RSF1: variants seen among roughly 807,000 people sequenced by gnomAD.
RSF1 encodes HBV pX-associated protein 8.
A neutral mutation model predicts 145.2 loss-of-function variants in RSF1; 13 were observed. The ratio of observed to expected loss-of-function variants is 0.09; its 90% CI spans 0.06 to 0.14. RSF1 has a LOEUF of 0.14. RSF1 is among the 10% of genes least tolerant of loss of function. The probability of loss-of-function intolerance (pLI) is 1.00; values close to 1 mark genes in which losing one functional copy is unlikely to be tolerated. For missense variants in RSF1, 1,517 were observed against 1,718.2 expected (o/e 0.88, Z 2.07); for synonymous variants, 577 against 592.6 (o/e 0.97, Z 0.38).
At chr11:77,807,447 T>C (rs1948688180) in intron 1 of RSF1, among the ~76,000 whole-genome samples, 1 of 152,184 alleles carries the variant, frequency 6.6e-6, no homozygotes, top group African/African-American at 2.4e-5. Context: ...GCAAACATGA[T>C]ACAAATATCT....
chr11:77,700,741 T>G lies in RSF1; in HGVS notation c.2488A>C (p.Thr830Pro). The G allele has an allele frequency of 6.3e-7, 1 of 1,584,712 alleles. No homozygotes were observed. Among genetic ancestry groups the G allele is most frequent in the Non-Finnish European group, 8.5e-7 (1 of 1,173,252 alleles). Residue 830 changes from threonine to proline, a missense_variant, in exon 6 of 16, where the codon ACA becomes CCA. Around this residue, in one of 12 missense-constraint regions of RSF1, gnomAD observed 579 missense variants for 553.5 expected, o/e 1.05. Coordinates refer to ENST00000308488, the MANE Select transcript of RSF1 (RefSeq NM_016578.4). ...KEILKKSEKD[T>P]NSKVSKVKPK... is the part of the protein sequence containing the mutation. Reference sequence around the variant, plus strand: ...TTTACCTTGCTTACTTTAGAATTTGTATCTTTCTCTGATTTTTTCAAAATT... The same window carrying G: ...TTTACCTTGCTTACTTTAGAATTTGGATCTTTCTCTGATTTTTTCAAAATT...
intron 1 of RSF1, among the ~76,000 whole-genome samples, chr11:77,803,194 C>T (rs904342867): frequency 1.3e-5 from 2 of 152,102 alleles, no homozygotes; most frequent in African/African-American, 2.4e-5. Flanking sequence ...GTTCCCCAGG[C>T]TGGAGTGCAG....
chr11:77,727,831 GAAC>G (rs1554990096), intron 4 of RSF1, among the ~76,000 whole-genome samples: 3 of 152,002 alleles, frequency 2.0e-5, no homozygotes, highest in Non-Finnish European at 4.4e-5. Context: ...ATTTATTAAA[GAAC>G]AACTCCCTAA....
rs398045289 is a variant in RSF1 at position 77,729,895 on chromosome 11, CAAAAA to C, written c.579-4201_579-4197del. ...TATAAATGCCAAATTATTCAGTAGG[CAAAAA>C]AAAAAAAAAAAAAAAAAAAAAAATT... On this transcript the variant is annotated intron_variant, in intron 4 of 15. Transcript: ENST00000308488. Among the ~76,000 whole-genome samples the C allele has an allele frequency of 6.2e-3, 302 of 48,918 alleles. 1 individual carries two copies. Among genetic ancestry groups the C allele is most frequent in the East Asian group, 0.015 (20 of 1,326 alleles). The allele number at this position is 48,918 out of a possible 152,430, so 32.1% of individuals were successfully genotyped here. A position where few individuals can be genotyped will look rare whatever the true frequency, so the allele number is the denominator to read the frequency against.
intron 5 of RSF1, among the ~76,000 whole-genome samples, chr11:77,716,234 A>C (rs1464389481): frequency 6.6e-6 from 1 of 152,202 alleles, no homozygotes; most frequent in Admixed American, 6.5e-5. Context: ...AAAATTAAAA[A>C]TATTAAGTAC....
intron 1 of RSF1, among the ~76,000 whole-genome samples, chr11:77,777,466 G>A (rs560599112): frequency 2.9e-4 from 44 of 152,122 alleles, no homozygotes; most frequent in African/African-American, 9.6e-4. Flanking sequence ...GGTGGCGGGC[G>A]CCTGTAGTCT....
chr11:77,834,173 T>C, the RSF1 span, among the ~76,000 whole-genome samples: 9 of 152,260 alleles, frequency 5.9e-5, no homozygotes, highest in Admixed American at 1.3e-4. Flanking sequence ...AAATACTAAT[T>C]CAATGAATAA....
intron 2 of RSF1, among the ~76,000 whole-genome samples, chr11:77,748,874 G>A (rs1053533683): frequency 3.9e-5 from 6 of 152,078 alleles, no homozygotes; most frequent in African/African-American, 1.2e-4. Flanking sequence ...AATGTTCCTC[G>A]CAGTATTATT....
intron 15 of RSF1, among the ~76,000 whole-genome samples, chr11:77,669,436 C>T (rs1959460971): frequency 6.6e-6 from 1 of 152,218 alleles, no homozygotes; most frequent in African/African-American, 2.4e-5. Flanking sequence ...CTCATCTGTG[C>T]TTTGGCCCAA....
At chr11:77,855,149 C>G in the RSF1 span, among the ~76,000 whole-genome samples, 2 of 152,174 alleles carry the variant, frequency 1.3e-5, no homozygotes, top group African/African-American at 4.8e-5. Context: ...TCCCACAAAA[C>G]CATTATTTCC....
intron 14 of RSF1, among the ~76,000 whole-genome samples, chr11:77,673,377 A>T (rs1160987080): frequency 6.6e-6 from 1 of 152,234 alleles, no homozygotes; most frequent in Non-Finnish European, 1.5e-5. Flanking sequence ...CAGAATGTTA[A>T]ATTCCACCGA....
chr11:77,679,490 T>C (rs1201958190), intron 11 of RSF1, among the ~76,000 whole-genome samples: 1 of 152,034 alleles, frequency 6.6e-6, no homozygotes, highest in Non-Finnish European at 1.5e-5. Context: ...TTGGGCAACA[T>C]GGTGAACCCC....
intron 11 of RSF1, among the ~76,000 whole-genome samples, chr11:77,682,098 T>C (rs768743023): frequency 6.6e-6 from 1 of 152,226 alleles, no homozygotes; most frequent in African/African-American, 2.4e-5. Flanking sequence ...GCACTTTCCA[T>C]CTGTCAGCTT....
chr11:77,690,933 A>G, intron 9 of RSF1: 1 of 526,814 alleles, frequency 1.9e-6, no homozygotes, highest in South Asian at 2.8e-5. Flanking sequence ...AGTATCATAT[A>G]ATTTTCATGT....
intron 15 of RSF1, among the ~76,000 whole-genome samples, chr11:77,671,169 A>ATATATATATATT (rs1959534689): frequency 1.0e-5 from 1 of 99,080 alleles, no homozygotes; most frequent in Non-Finnish European, 1.9e-5. Flanking sequence ...ATATATATAT[A>ATATATATATATT]TATATATATT....
chr11:77,766,626 A>G (rs1948228858), intron 1 of RSF1, among the ~76,000 whole-genome samples: 1 of 152,190 alleles, frequency 6.6e-6, no homozygotes, highest in Admixed American at 6.6e-5. Context: ...TGCTTGCACA[A>G]AAACAACAGA....
chr11:77,697,883 T>G (rs996844141), intron 7 of RSF1, among the ~76,000 whole-genome samples: 20 of 152,176 alleles, frequency 1.3e-4, no homozygotes, highest in African/African-American at 3.9e-4. Context: ...TAAAAAAAAT[T>G]TAAAGCCCTA....
intron 1 of RSF1, among the ~76,000 whole-genome samples, chr11:77,813,965 T>C (rs1334138884): frequency 6.7e-6 from 1 of 150,248 alleles, no homozygotes; most frequent in Non-Finnish European, 1.5e-5. Context: ...CTTTGAGAGG[T>C]GGAGGTGGCT....
Position 77,672,920 on chromosome 11 carries a change from T to C in RSF1, c.3563-690A>G, listed in dbSNP as rs1010974006. Reference sequence around the variant, plus strand: ...CTGGTCTTGAATTCCTGGCCTCAAGTGATCCGCCTGCCTCGGCCTCCCAAA... The same window carrying C: ...CTGGTCTTGAATTCCTGGCCTCAAGCGATCCGCCTGCCTCGGCCTCCCAAA... On this transcript the variant is annotated intron_variant, in intron 14 of 15. Transcript: ENST00000308488. Among the ~76,000 whole-genome samples, 6 of 152,328 alleles carry C rather than the reference T, an allele frequency of 3.9e-5. No individual in the cohort carries two copies. In the East Asian group the frequency reaches 1.2e-3, roughly 29 times the overall value.
Sources: gnomAD v4.1 joint callset for allele counts (sites outside exome capture counted in the v4.1 genomes callset) on GRCh38, gnomAD v4.1.1 for gene constraint, gnomAD v4.1.1 regional missense constraint, MANE v1.5 for transcripts, NCBI Gene and HGNC (gene_info 2026-07-23, HGNC 2026-07-21) for gene names.